GLT1D1: variants seen among roughly 807,000 people sequenced by gnomAD.
GLT1D1 encodes the protein glycosyltransferase 1 domain-containing protein 1.
A neutral mutation model predicts 28.7 loss-of-function variants in GLT1D1; 21 were observed. That is an observed-to-expected ratio of 0.73 (90% CI 0.52 to 1.05). The LOEUF is 1.05. GLT1D1 is among the 50% of genes least tolerant of loss of function. The pLI, the probability that GLT1D1 is intolerant of heterozygous loss-of-function variation, is 0.00. For synonymous variants in GLT1D1, 147 were observed against 124.8 expected (o/e 1.18, Z -1.19); for missense variants, 343 against 330.6 (o/e 1.04, Z -0.29).
intron 4 of GLT1D1, among the ~76,000 whole-genome samples, chr12:128,919,468 C>T (rs527541944): frequency 3.3e-5 from 5 of 152,290 alleles, no homozygotes; most frequent in African/African-American, 4.8e-5. Flanking sequence ...TCTCCTCTTC[C>T]GGCATGTCAC....
chr12:128,960,592 A>G (rs377037282), intron 7 of GLT1D1, among the ~76,000 whole-genome samples: 18 of 152,048 alleles, frequency 1.2e-4, no homozygotes, highest in African/African-American at 4.1e-4. Flanking sequence ...CCCTGTCTCT[A>G]CTAAAAATAT....
At chr12:128,879,710 G>T (rs970944323) in intron 2 of GLT1D1, among the ~76,000 whole-genome samples, 2 of 152,106 alleles carry the variant, frequency 1.3e-5, no homozygotes, top group Non-Finnish European at 2.9e-5. Flanking sequence ...GCCCGCCTCG[G>T]CCTCCCAAAG....
chr12:128,975,869 G>A (rs753416026), intron 7 of GLT1D1, among the ~76,000 whole-genome samples: 4 of 152,208 alleles, frequency 2.6e-5, no homozygotes, highest in African/African-American at 7.2e-5. Flanking sequence ...GTTTTAAGAG[G>A]TGGGTGGAAG....
At chr12:128,943,038 C>T (rs1405995577) in intron 4 of GLT1D1, among the ~76,000 whole-genome samples, 23 of 152,316 alleles carry the variant, frequency 1.5e-4, no homozygotes, top group Middle Eastern at 3.4e-3. Context: ...TGAGCCACCA[C>T]GCCCGGCCTA....
chr12:128,981,458 G>T (rs1049580365), intron 7 of GLT1D1, among the ~76,000 whole-genome samples: 5 of 151,854 alleles, frequency 3.3e-5, no homozygotes, highest in Admixed American at 6.6e-5. Flanking sequence ...TAAGAATGTT[G>T]TTCTACCCTG....
chr12:128,962,590 G>A (rs1878076423), intron 7 of GLT1D1, among the ~76,000 whole-genome samples: 2 of 152,204 alleles, frequency 1.3e-5, no homozygotes, highest in Non-Finnish European at 2.9e-5. Flanking sequence ...CAACCCTAGG[G>A]ACCTTGGGGT....
At chr12:128,872,468 T>C (rs1485850283) in intron 1 of GLT1D1, among the ~76,000 whole-genome samples, 1 of 152,118 alleles carries the variant, frequency 6.6e-6, no homozygotes, top group Non-Finnish European at 1.5e-5. Context: ...AAGTGTCATG[T>C]CAGCGGCGTG....
intron 3 of GLT1D1, among the ~76,000 whole-genome samples, chr12:128,898,978 C>T (rs1869940020): frequency 1.3e-5 from 2 of 152,234 alleles, no homozygotes; most frequent in Non-Finnish European, 2.9e-5. Context: ...TTATCCCTGC[C>T]TCTCTGAACT....
chr12:128,975,449 G>GA (rs1879679524), intron 7 of GLT1D1, among the ~76,000 whole-genome samples: 1 of 108,030 alleles, frequency 9.3e-6, no homozygotes, highest in Admixed American at 1.1e-4. Context: ...CTGTTTTTTT[G>GA]TTTTTTATTT....
At chr12:128,910,838 A>G (rs1871435268) in intron 4 of GLT1D1, among the ~76,000 whole-genome samples, 1 of 152,200 alleles carries the variant, frequency 6.6e-6, no homozygotes, top group African/African-American at 2.4e-5. Flanking sequence ...AGACTTCTGG[A>G]GGCTTGAGAT....
At chr12:128,880,750 A>G (rs868124827) in intron 2 of GLT1D1, among the ~76,000 whole-genome samples, 1 of 152,214 alleles carries the variant, frequency 6.6e-6, no homozygotes, top group Non-Finnish European at 1.5e-5. Flanking sequence ...TAAATTACTT[A>G]TAGAGGTGAT....
At chr12:128,951,677 A>G (rs1876703970) in intron 6 of GLT1D1, among the ~76,000 whole-genome samples, 1 of 152,006 alleles carries the variant, frequency 6.6e-6, no homozygotes, top group South Asian at 2.1e-4. Flanking sequence ...GGTCGAGCAC[A>G]CTCACCTCTG....
At chr12:128,874,078 TTCTTTCTTTCTTTCTTTCTTTCTCTCTC>T (rs1956779634) in intron 1 of GLT1D1, among the ~76,000 whole-genome samples, 1 of 11,314 alleles carries the variant, frequency 8.8e-5, no homozygotes, top group African/African-American at 3.3e-4. Flanking sequence ...CTTTCTTTCT[TTCTTTCTTTCTTTCTTTCTTTCTCTCTC>T]TCTCTCTCTC....
chr12:128,981,750 G>A (rs564485310), intron 7 of GLT1D1, among the ~76,000 whole-genome samples: 2 of 152,164 alleles, frequency 1.3e-5, no homozygotes, highest in East Asian at 1.9e-4. Flanking sequence ...AGTATGTGCC[G>A]GGCTTTGCTC....
intron 1 of GLT1D1, chr12:128,863,999 A>G: frequency 2.4e-6 from 1 of 409,860 alleles, no homozygotes. Context: ...ATCTGGAAGG[A>G]CCCTGCGATG....
intron 7 of GLT1D1, among the ~76,000 whole-genome samples, chr12:128,968,964 T>G (rs1385170469): frequency 6.6e-6 from 1 of 152,116 alleles, no homozygotes; most frequent in Non-Finnish European, 1.5e-5. Flanking sequence ...TCTTTCCTGC[T>G]GTGCCTCCCT....
intron 6 of GLT1D1, among the ~76,000 whole-genome samples, chr12:128,956,907 A>C (rs1389292177): frequency 6.6e-6 from 1 of 152,164 alleles, no homozygotes; most frequent in African/African-American, 2.4e-5. Flanking sequence ...AACTTAGAAC[A>C]CTGTAGAAAG....
chr12:128,912,645 TAATCA>T (rs1338224848), intron 4 of GLT1D1, among the ~76,000 whole-genome samples, 185 bp downstream of exon 5: 3 of 152,086 alleles, frequency 2.0e-5, no homozygotes, highest in Non-Finnish European at 4.4e-5. Context: ...TACTTAAAAA[TAATCA>T]GTGAAATGGC....
intron 1 of GLT1D1, among the ~76,000 whole-genome samples, chr12:128,864,434 A>G (rs1185853495): frequency 6.6e-6 from 1 of 152,062 alleles, no homozygotes; most frequent in Non-Finnish European, 1.5e-5. Context: ...GGATGTTGCT[A>G]ACAGGCCCAT....
Sources: gnomAD v4.1 joint callset for allele counts (sites outside exome capture counted in the v4.1 genomes callset) on GRCh38, gnomAD v4.1.1 for gene constraint, MANE v1.5 for transcripts, NCBI Gene and HGNC (gene_info 2026-07-23, HGNC 2026-07-21) for gene names.